ARHGEF37: variants seen among roughly 807,000 people sequenced by gnomAD.
ARHGEF37 encodes the protein Rho guanine nucleotide exchange factor (GEF) 37.
Under a neutral mutation model 71.1 loss-of-function variants are expected in ARHGEF37, and 55 were observed. The observed-to-expected ratio is 0.77, with a 90% CI of 0.62 to 0.97. The LOEUF (loss-of-function observed/expected upper bound fraction) is 0.97, where lower values mean the gene tolerates loss of function less well. ARHGEF37 is among the 50% of genes least tolerant of loss of function. The pLI, the probability that ARHGEF37 is intolerant of heterozygous loss-of-function variation, is 0.00. For missense variants in ARHGEF37, 765 were observed against 836.8 expected, an observed-to-expected ratio of 0.91 and a Z score of 1.06; for synonymous variants, 327 against 350.6, an observed-to-expected ratio of 0.93 and a Z score of 0.75.
chr5:149,623,972 C>T (rs1438560673), intron 9 of ARHGEF37, 40 bp from the exon 10 acceptor site: 4 of 1,562,738 alleles, frequency 2.6e-6, no homozygotes, highest in African/African-American at 1.4e-5. Context: ...TCATTGTCCC[C>T]TCTTGCCCAG....
At chr5:149,577,971 C>G (rs1206528403), upstream of ARHGEF37, among the ~76,000 whole-genome samples, 3 of 152,192 alleles carry the variant, frequency 2.0e-5, no homozygotes, top group Non-Finnish European at 4.4e-5. Context: ...TAGCCGGTAA[C>G]AGTAATGGCA....
At chr5:149,573,455 A>G (rs2113249820) in intron 1 of ARHGEF37, among the ~76,000 whole-genome samples, 1 of 152,334 alleles carries the variant, frequency 6.6e-6, no homozygotes, top group South Asian at 2.1e-4. Context: ...TCACTGCTAA[A>G]ATGTTCTCTC....
At chr5:149,593,300 C>G (rs933365907) in intron 1 of ARHGEF37, among the ~76,000 whole-genome samples, 3 of 152,230 alleles carry the variant, frequency 2.0e-5, no homozygotes, top group Non-Finnish European at 4.4e-5. Flanking sequence ...AACGTTGCAT[C>G]CTTCAGCTCC....
chr5:149,560,837 T>G (rs1157475385), intron 1 of ARHGEF37, among the ~76,000 whole-genome samples: 1 of 152,218 alleles, frequency 6.6e-6, no homozygotes, highest in African/African-American at 2.4e-5. Context: ...ACTAACATAC[T>G]CTTTGTCTTT....
At chr5:149,606,579 A>G (rs1316389799) in intron 3 of ARHGEF37, 1 of 151,834 alleles carries the variant, frequency 6.6e-6, no homozygotes, top group Non-Finnish European at 1.5e-5. Flanking sequence ...CACCCTCACC[A>G]CTTCCTCTCA....
Position 149,601,242 on chromosome 5 carries a change from A to C in ARHGEF37, c.310+11A>C, listed in dbSNP as rs770220276. The C allele has an allele frequency of 1.2e-6, 2 of 1,609,054 alleles. No homozygotes were observed. Among genetic ancestry groups the C allele is most frequent in the Admixed American group, 3.3e-5 (2 of 59,912 alleles). ...AAGTGCAGCTAGTTGGTAAGCAAAA[A>C]ACCTAAGGAGTTGTCAGCCTTAGAT... On this transcript the variant is annotated intron_variant, in intron 3 of 12. Transcript: ENST00000333677.
At chr5:149,618,128 C>T (rs1275111857) in intron 5 of ARHGEF37, 48 bp from the exon 6 acceptor site, 1 of 1,609,124 alleles carries the variant, frequency 6.2e-7, no homozygotes, top group Non-Finnish European at 8.5e-7. Context: ...CATCCACTTT[C>T]CTGAGTTGGC....
upstream of ARHGEF37, among the ~76,000 whole-genome samples, chr5:149,578,706 C>T (rs940803830): frequency 6.6e-6 from 1 of 152,110 alleles, no homozygotes; most frequent in African/African-American, 2.4e-5. Context: ...GAAAGCGAAC[C>T]CTTTTTTCTT....
rs146598186 is a variant in ARHGEF37 at position 149,631,967 on chromosome 5, C to T, written c.1819-15C>T. ...TCACCCTGACCATTTCTGTGTCACTCCCCATGTGTTTCAGGTCATAGCCGC... is the reference window on the plus strand; with the variant it reads ...TCACCCTGACCATTTCTGTGTCACTTCCCATGTGTTTCAGGTCATAGCCGC... On this transcript the variant is annotated splice_polypyrimidine_tract_variant and intron_variant, in intron 12 of 12. Transcript: ENST00000333677. The T allele has an allele frequency of 6.2e-7, 1 of 1,613,348 alleles. No individual in the cohort carries two copies. Among genetic ancestry groups the T allele is most frequent in the African/African-American group, 1.3e-5 (1 of 75,028 alleles).
At chr5:149,614,591 T>C (rs1299647847) in intron 4 of ARHGEF37, among the ~76,000 whole-genome samples, 5 of 152,170 alleles carry the variant, frequency 3.3e-5, no homozygotes, top group African/African-American at 9.6e-5. Flanking sequence ...CAGGAGACAC[T>C]TGGCTCTTTC....
chr5:149,605,083 C>G (rs1487359152), intron 3 of ARHGEF37, among the ~76,000 whole-genome samples: 1 of 151,018 alleles, frequency 6.6e-6, no homozygotes, highest in Non-Finnish European at 1.5e-5. Context: ...AAAAATTAGT[C>G]GGGCGTGTTG....
chr5:149,580,721 G>A (rs146490419), upstream of ARHGEF37, among the ~76,000 whole-genome samples: 1 of 152,282 alleles, frequency 6.6e-6, no homozygotes, highest in East Asian at 1.9e-4. Flanking sequence ...ACTACCAGCA[G>A]TAATAATAAA....
upstream of ARHGEF37, among the ~76,000 whole-genome samples, chr5:149,580,340 C>T (rs926862941): frequency 5.9e-5 from 9 of 152,256 alleles, no homozygotes; most frequent in Non-Finnish European, 1.2e-4. Context: ...GGATTACAGC[C>T]GTGAGCCACC....
At chr5:149,619,101 G>A in intron 7 of ARHGEF37, 59 bp downstream of exon 7, 1 of 1,407,978 alleles carries the variant, frequency 7.1e-7, no homozygotes, top group Non-Finnish European at 1.0e-6. Context: ...CTGGCAGGAG[G>A]CTTGCAGGGC....
At chr5:149,552,322 A>G (rs1245369254) in intron 1 of ARHGEF37, among the ~76,000 whole-genome samples, 1 of 151,828 alleles carries the variant, frequency 6.6e-6, no homozygotes, top group East Asian at 1.9e-4. Context: ...AATTTAATTG[A>G]CAACATTTAA....
At position 149,616,748 on chromosome 5, in the gene ARHGEF37, A is replaced by C. The variant is rs1424900318; in HGVS notation, c.640A>C (p.Lys214Gln). Residue 214 changes from lysine (K) to glutamine (Q), a missense_variant, in exon 5 of 13, where the codon AAG becomes CAG. Coordinates refer to ENST00000333677, the MANE Select transcript of ARHGEF37 (RefSeq NM_001001669.3). ...QDVNTNINEY[K>Q]MRKEVASKYT... ...CGTGAACACCAATATCAATGAGTAC[A>C]AGATGCGCAAGGAAGTGGGTAAGGA... 1.9e-6 allele frequency: 3 copies of C among 1,606,498 alleles called. No homozygotes were observed. Among genetic ancestry groups the C allele is most frequent in the Non-Finnish European group, 2.6e-6 (3 of 1,173,722 alleles).
chr5:149,553,206 C>T (rs1350426982), intron 1 of ARHGEF37, among the ~76,000 whole-genome samples: 1 of 152,130 alleles, frequency 6.6e-6, no homozygotes, highest in East Asian at 1.9e-4. Context: ...CGAGACCATT[C>T]TGGCCAACGT....
intron 8 of ARHGEF37, among the ~76,000 whole-genome samples, chr5:149,620,850 T>C (rs1264899391): frequency 6.5e-5 from 8 of 123,592 alleles, no homozygotes; most frequent in Non-Finnish European, 1.4e-4. Flanking sequence ...GTCAGGCACT[T>C]TACACAATTG....
At chr5:149,558,492 C>G (rs1762782405) in intron 1 of ARHGEF37, among the ~76,000 whole-genome samples, 1 of 152,006 alleles carries the variant, frequency 6.6e-6, no homozygotes, top group African/African-American at 2.4e-5. Context: ...GGCGACAGAG[C>G]GAGACTCAGT....
Sources: gnomAD v4.1 joint callset for allele counts (sites outside exome capture counted in the v4.1 genomes callset) on GRCh38, gnomAD v4.1.1 for gene constraint, MANE v1.5 for transcripts, NCBI Gene and HGNC (gene_info 2026-07-23, HGNC 2026-07-21) for gene names.